Variants in ZNF704 observed in about 807,000 individuals in gnomAD.
ZNF704 encodes zinc finger protein 704.
Under a neutral mutation model 44.7 loss-of-function variants are expected in ZNF704, and 10 were observed. The observed-to-expected ratio is 0.22, with a 90% CI of 0.14 to 0.38. The LOEUF is 0.38. Among genes scored for constraint, ZNF704 ranks in the 10% least tolerant of loss-of-function variants. The pLI, the probability that ZNF704 is intolerant of heterozygous loss-of-function variation, is 1.00. For synonymous variants in ZNF704, 211 were observed against 207.6 expected, an observed-to-expected ratio of 1.02 and a Z score of -0.14; for missense variants, 390 against 545.5, an observed-to-expected ratio of 0.71 and a Z score of 2.84.
chr8:80,704,719 T>G (rs1403157888), intron 2 of ZNF704, among the ~76,000 whole-genome samples: 1 of 152,080 alleles, frequency 6.6e-6, no homozygotes, highest in Non-Finnish European at 1.5e-5. Context: ...GCGGGACAAG[T>G]GGAGGTTCCC....
Position 80,742,815 on chromosome 8 carries a change from C to T in ZNF704, c.222-49708G>A, listed in dbSNP as rs576348804. Reference sequence around the variant, plus strand: ...AGCAGGAAGCAGTTAGAGCGGTTGTCGGCCAACCTCCCCAAGAGCACTTGG... The same window carrying T: ...AGCAGGAAGCAGTTAGAGCGGTTGTTGGCCAACCTCCCCAAGAGCACTTGG... On this transcript the variant is annotated intron_variant, in intron 2 of 8. Transcript: ENST00000327835. Among the ~76,000 whole-genome samples the T allele has an allele frequency of 2.6e-5, 4 of 152,094 alleles. No individual in the cohort carries two copies. The South Asian group carries it at 6.3e-4, about 24-fold the overall frequency.
At chr8:80,847,874 T>G (rs1285768505) in intron 1 of ZNF704, among the ~76,000 whole-genome samples, 1 of 152,242 alleles carries the variant, frequency 6.6e-6, no homozygotes, top group Non-Finnish European at 1.5e-5. Flanking sequence ...TGTGACATTT[T>G]CTTATAAAAC....
intron 2 of ZNF704, among the ~76,000 whole-genome samples, chr8:80,702,017 G>A (rs1818818277): frequency 6.6e-6 from 1 of 152,190 alleles, no homozygotes; most frequent in Non-Finnish European, 1.5e-5. Context: ...TTTAAATGCT[G>A]ACAGGAAGGA....
intron 1 of ZNF704, among the ~76,000 whole-genome samples, chr8:80,822,682 A>G (rs865969021): frequency 7.2e-5 from 11 of 152,058 alleles, no homozygotes; most frequent in African/African-American, 4.8e-5. Flanking sequence ...AAGTGTTCCT[A>G]TTTCTCCACA....
chr8:80,742,698 T>C (rs967715431), intron 2 of ZNF704, among the ~76,000 whole-genome samples: 12 of 152,126 alleles, frequency 7.9e-5, no homozygotes, highest in African/African-American at 2.2e-4. Context: ...CGAGGACCCC[T>C]GGACCAGCCT....
At chr8:80,676,949 A>G (rs1046293541) in intron 4 of ZNF704, among the ~76,000 whole-genome samples, 3 of 152,176 alleles carry the variant, frequency 2.0e-5, no homozygotes, top group African/African-American at 7.2e-5. Flanking sequence ...CTGTGTGCGG[A>G]CTGATAACCA....
intron 1 of ZNF704, among the ~76,000 whole-genome samples, chr8:80,821,982 T>C (rs879473744): frequency 3.3e-5 from 5 of 152,230 alleles, no homozygotes; most frequent in Non-Finnish European, 7.3e-5. Flanking sequence ...CTGATTATCA[T>C]GTTTAATAGA....
At chr8:80,707,648 C>G (rs1233944754) in intron 2 of ZNF704, among the ~76,000 whole-genome samples, 1 of 152,136 alleles carries the variant, frequency 6.6e-6, no homozygotes, top group African/African-American at 2.4e-5. Context: ...GATATTTGTG[C>G]TAATTCAAAT....
At chr8:80,746,545 T>C (rs1806847582) in intron 2 of ZNF704, among the ~76,000 whole-genome samples, 1 of 152,222 alleles carries the variant, frequency 6.6e-6, no homozygotes, top group Non-Finnish European at 1.5e-5. Flanking sequence ...TTTCTGAACC[T>C]CATTTTTGCC....
In ZNF704 at chr8:80,670,122, C is replaced by T. The variant is rs898055858; in HGVS notation, c.659+381G>A. ...GTGGGTTCAAGGACCCCTTGAAGTC[C>T]AATCACAGATTCCAGGTTACTCTAG... On this transcript the variant is annotated intron_variant, in intron 5 of 8. Transcript: ENST00000327835. Among the ~76,000 whole-genome samples the T allele has an allele frequency of 2.0e-5, 3 of 152,260 alleles. No individual in the cohort carries two copies. The South Asian group carries it at 6.2e-4, about 32-fold the overall frequency.
intron 5 of ZNF704, among the ~76,000 whole-genome samples, chr8:80,666,760 CTTCTT>C (rs1232019741): frequency 6.6e-6 from 1 of 150,412 alleles, no homozygotes; most frequent in East Asian, 2.0e-4. Context: ...GCATAAATGT[CTTCTT>C]TTGAGAAGTG....
At chr8:80,670,451 GC>G in intron 5 of ZNF704, 51 bp downstream of exon 5, 1 of 1,330,892 alleles carries the variant, frequency 7.5e-7, no homozygotes, top group Non-Finnish European at 1.1e-6. Context: ...AGTGCGGGTG[GC>G]CCTAGACTGA....
At chr8:80,825,802 T>A (rs527484877) in intron 1 of ZNF704, among the ~76,000 whole-genome samples, 17 of 152,266 alleles carry the variant, frequency 1.1e-4, no homozygotes, top group Admixed American at 3.3e-4. Flanking sequence ...ACATGGAAAC[T>A]GAACACCCTG....
chr8:80,798,861 T>C (rs1206428756), intron 2 of ZNF704, among the ~76,000 whole-genome samples: 1 of 152,226 alleles, frequency 6.6e-6, no homozygotes, highest in African/African-American at 2.4e-5. Context: ...AATTTATTTC[T>C]TACAGTTATG....
At chr8:80,658,513 G>A (rs1281958985) in intron 7 of ZNF704, among the ~76,000 whole-genome samples, 1 of 152,092 alleles carries the variant, frequency 6.6e-6, no homozygotes, top group East Asian at 1.9e-4. Context: ...TACTAACAAG[G>A]TCACTCTTGC....
intron 4 of ZNF704, among the ~76,000 whole-genome samples, chr8:80,680,127 T>C (rs1401339878): frequency 6.6e-6 from 1 of 152,152 alleles, no homozygotes; most frequent in African/African-American, 2.4e-5. Flanking sequence ...CCCAGAGTGA[T>C]ACTTAGGATT....
chr8:80,834,204 TAAC>T (rs1467209286), intron 1 of ZNF704, among the ~76,000 whole-genome samples: 1 of 151,530 alleles, frequency 6.6e-6, no homozygotes, highest in Non-Finnish European at 1.5e-5. Flanking sequence ...AAAAAAATAA[TAAC>T]AAAAGAGAAA....
At position 80,811,244 on chromosome 8, in the gene ZNF704, T is replaced by G. The variant is rs527842420; in HGVS notation, c.221+10130A>C. 2.0e-5 allele frequency among the ~76,000 whole-genome samples: 3 copies of G among 152,330 alleles called. No individual in the cohort carries two copies. In the South Asian group the frequency reaches 6.2e-4, roughly 32 times the overall value. ...AAAAGAATGGAAAGTGTCTCATTAA[T>G]GACTTTTTATATTGACATATGTTCA... On this transcript the variant is annotated intron_variant, in intron 2 of 8. Coordinates refer to ENST00000327835, the MANE Select transcript of ZNF704 (RefSeq NM_001033723.3).
intron 1 of ZNF704, among the ~76,000 whole-genome samples, chr8:80,873,907 C>T (rs1464764145): frequency 6.9e-6 from 1 of 145,880 alleles, no homozygotes; most frequent in Admixed American, 6.8e-5. Context: ...GCGCCGGGGC[C>T]GGGCCCGGGA....
Sources: gnomAD v4.1 joint callset for allele counts (sites outside exome capture counted in the v4.1 genomes callset) on GRCh38, gnomAD v4.1.1 for gene constraint, MANE v1.5 for transcripts, NCBI Gene and HGNC (gene_info 2026-07-23, HGNC 2026-07-21) for gene names.